The following FLNC variants were observed in gnomAD, a reference collection of about 807,000 sequenced individuals.
The protein encoded by FLNC is filamin-C.
Under a neutral mutation model 254.3 loss-of-function variants are expected in FLNC, and 91 were observed. That is an observed-to-expected ratio of 0.36 (90% confidence interval 0.30 to 0.43). The LOEUF (loss-of-function observed/expected upper bound fraction) is 0.43. Among genes scored for constraint, FLNC ranks in the 20% least tolerant of loss-of-function variants. FLNC has a pLI of 1.00. For synonymous variants in FLNC, 1,430 were observed against 1,577.2 expected, an observed-to-expected ratio of 0.91 and a Z score of 2.21; for missense variants, 2,853 against 3,802.6, an observed-to-expected ratio of 0.75 and a Z score of 6.57.
chr7:128,853,226 A>T (rs1297355403), intron 37 of FLNC, 195 bp downstream of exon 37: 3 of 720,550 alleles, frequency 4.2e-6, no homozygotes, highest in Non-Finnish European at 7.2e-6. Flanking sequence ...TTTTAAGAGA[A>T]AGCTCAGCTG....
At position 128,857,413 on chromosome 7, in the gene FLNC, C is replaced by G. The variant is rs1585172618; in HGVS notation, c.7780+77C>G. Reference sequence around the variant, plus strand: ...GGAGGGCTCCGGTGGCCACGCACATCTAGGCCATAGTCTGCCCCCAGACAT... The same window carrying G: ...GGAGGGCTCCGGTGGCCACGCACATGTAGGCCATAGTCTGCCCCCAGACAT... On this transcript the variant is annotated intron_variant, in intron 46 of 47. Transcript: ENST00000325888. The surrounding 1 kb of genome is among the most constrained non-coding windows in gnomAD (Gnocchi z 4.5). 2.2e-6 allele frequency: 2 copies of G among 898,328 alleles called. No individual in the cohort carries two copies. Among genetic ancestry groups the G allele is most frequent in the Non-Finnish European group, 1.8e-6 (1 of 554,118 alleles). 55.6% of individuals were successfully genotyped at this position (898,328 alleles called of 1,614,324 possible). A position where few individuals can be genotyped will look rare whatever the true frequency, so the allele number is the denominator to read the frequency against.
rs1032003580 is a variant in FLNC, at chr7:128,846,776, A to T, written c.4159A>T (p.Ile1387Phe). The T allele has an allele frequency of 3.7e-6, 6 of 1,614,036 alleles. No homozygotes were observed. The African/African-American group carries it at 6.7e-5, about 18-fold the overall frequency. ...GGGCACCGGGGGCCTTGGCCTAGCCATCGAGGGTCCCTCGGAAGCCAAGAT... is the reference window on the plus strand; with the variant it reads ...GGGCACCGGGGGCCTTGGCCTAGCCTTCGAGGGTCCCTCGGAAGCCAAGAT... ...GAGTGGLGLA[I>F]EGPSEAKMSC... Residue 1387 changes from isoleucine to phenylalanine, a missense_variant, in exon 24 of 48, where the codon ATC becomes TTC. Coordinates refer to ENST00000325888, the MANE Select transcript of FLNC (RefSeq NM_001458.5).
In FLNC at chr7:128,842,829, G is replaced by C; in HGVS notation, c.2425G>C (p.Val809Leu). The change falls in exon 16 of 48, where the codon GTG becomes CTG. Residue 809 changes from valine to leucine, a missense_variant. Transcript: ENST00000325888. This position sits in a 1 kb window ranked among gnomAD's most constrained non-coding sequence, Gnocchi z 5.4. ...VSIGIKCAPG[V>L]VGPAEADIDF... ...CATCGGCATCAAGTGCGCCCCAGGC[G>C]TGGTGGGCCCTGCAGAGGCTGACAT... The C allele has an allele frequency of 6.2e-7, 1 of 1,613,882 alleles. No individual in the cohort carries two copies. The highest frequency in any genetic ancestry group is 8.5e-7 in the Non-Finnish European group (1 of 1,180,028).
At chr7:128,855,064 C>A (rs894697390) in intron 42 of FLNC, 135 bp from the exon 43 acceptor site, 1 of 1,047,280 alleles carries the variant, frequency 9.5e-7, no homozygotes, top group Non-Finnish European at 1.5e-6. Context: ...CTACCCCACA[C>A]CCTCAGAAAC....
In FLNC at chr7:128,842,541, A is replaced by AG; in HGVS notation, c.2266-31dup. ...TGGGCAGGAGGATGAGCCTTGAGGGAGGGCACCACGCTGAGCTGCGACCCC... is the reference window on the plus strand; with the variant it reads ...TGGGCAGGAGGATGAGCCTTGAGGGAGGGGCACCACGCTGAGCTGCGACCCC... On this transcript the variant is annotated intron_variant, in intron 14 of 47. Coordinates refer to ENST00000325888, the MANE Select transcript of FLNC (RefSeq NM_001458.5). The surrounding 1 kb of genome is among the most constrained non-coding windows in gnomAD (Gnocchi z 5.4). 1 of 1,548,154 alleles carries AG rather than the reference A, an allele frequency of 6.5e-7. No individual in the cohort carries two copies. Among genetic ancestry groups the AG allele is most frequent in the South Asian group, 1.2e-5 (1 of 84,384 alleles).
intron 20 of FLNC, 44 bp from the exon 21 acceptor site, chr7:128,844,614 A>T: frequency 6.4e-7 from 1 of 1,557,768 alleles, no homozygotes; most frequent in Non-Finnish European, 8.8e-7. Context: ...GGCTGGGATG[A>T]GGAGGCCAGG....
chr7:128,843,872 C>A lies in FLNC; in HGVS notation c.2888C>A (p.Pro963Gln). ...CCCTTTGTGGTGAATGTGGCACCCCCGCTGGACCTCAGCAAAATCAAAGTT... is the reference window on the plus strand; with the variant it reads ...CCCTTTGTGGTGAATGTGGCACCCCAGCTGGACCTCAGCAAAATCAAAGTT... ...KSPFVVNVAPPLDLSKIKVQG... is the reference protein window; with the variant it reads ...KSPFVVNVAPQLDLSKIKVQG... The change falls in exon 19 of 48, where the codon CCG (proline) becomes CAG (glutamine). Residue 963 changes from proline (P) to glutamine (Q), a missense_variant. Coordinates refer to ENST00000325888, the MANE Select transcript of FLNC (RefSeq NM_001458.5). 6.2e-7 allele frequency: 1 copy of A among 1,614,078 alleles called. No individual in the cohort carries two copies. Among genetic ancestry groups the A allele is most frequent in the Non-Finnish European group, 8.5e-7 (1 of 1,180,056 alleles).
At position 128,857,560 on chromosome 7, in the gene FLNC, G is replaced by T. The variant is rs1809120389; in HGVS notation, c.7780+224G>T. The stretch of plus-strand genomic sequence containing the variant: ...TCCATCGTGGCCCCTCACTCCTTCA[G>T]CTCTGGCCTGCGCTGGCTCCTCAGG... On this transcript the variant is annotated intron_variant, in intron 46 of 47. Transcript: ENST00000325888. The surrounding 1 kb of genome is among the most constrained non-coding windows in gnomAD (Gnocchi z 4.5). 6.6e-6 allele frequency among the ~76,000 whole-genome samples: 1 copy of T among 151,194 alleles called. No homozygotes were observed. Among genetic ancestry groups the T allele is most frequent in the Admixed American group, 6.6e-5 (1 of 15,238 alleles).
In FLNC at chr7:128,830,447, C is replaced by T. The variant is rs1295192742; in HGVS notation, c.-191C>T. The stretch of plus-strand genomic sequence containing the variant: ...GCTCCGGCCCTGGAGGGAGAGAGAG[C>T]CAGAGAGCGGCCGAGCGCCTAGGAG... On this transcript the variant is annotated 5_prime_UTR_variant, in exon 1 of 48. Transcript: ENST00000325888. 8.3e-6 allele frequency: 5 copies of T among 605,986 alleles called. No individual in the cohort carries two copies. The highest frequency in any genetic ancestry group is 7.5e-5 in the African/African-American group (4 of 53,002). 37.5% of individuals were successfully genotyped at this position (605,986 alleles called of 1,614,324 possible).
intron 8 of FLNC, among the ~76,000 whole-genome samples, chr7:128,839,277 T>C (rs935868805): frequency 1.3e-5 from 2 of 152,212 alleles, no homozygotes; most frequent in South Asian, 4.1e-4. Flanking sequence ...AGGCCCCAGG[T>C]TCCATGCCGT....
In FLNC at chr7:128,854,881, C is replaced by T. The variant is rs1585170155; in HGVS notation, c.7104C>T (p.Ser2368=). Residue 2368 remains serine (S), a synonymous_variant, in exon 42 of 48, where the codon TCC becomes TCT. Transcript: ENST00000325888. ...EIAFEDRKDG[S]CGVSYVVQEP... ...CATTTGAGGATCGCAAAGATGGCTC[C>T]TGCGGCGTCTCCTATGTCGTCCAGG... 2.5e-6 allele frequency: 4 copies of T among 1,614,114 alleles called. No individual in the cohort carries two copies. The highest frequency in any genetic ancestry group is 1.3e-5 in the African/African-American group (1 of 75,052).
Position 128,847,828 on chromosome 7 carries a change from C to T in FLNC, c.4420C>T (p.Arg1474Trp), listed in dbSNP as rs372454458. ...TFTVDCSQAG[R>W]APLQVAVLGP... Reference sequence around the variant, plus strand: ...CACAGTGGATTGCAGTCAAGCTGGCCGGGCGCCCCTGCAGGTGGCTGTGCT... The same window carrying T: ...CACAGTGGATTGCAGTCAAGCTGGCTGGGCGCCCCTGCAGGTGGCTGTGCT... The change falls in exon 25 of 48, where the codon CGG (arginine) becomes TGG (tryptophan). Residue 1474 changes from arginine to tryptophan, a missense_variant. This residue lies in a region of FLNC where 1,573 missense variants were observed against 1,883.5 expected (regional missense o/e 0.84). Coordinates refer to ENST00000325888, the MANE Select transcript of FLNC (RefSeq NM_001458.5). The T allele has an allele frequency of 5.0e-5, 80 of 1,613,442 alleles. No individual in the cohort carries two copies. Among genetic ancestry groups the T allele is most frequent in the Non-Finnish European group, 6.1e-5 (72 of 1,179,734 alleles).
Position 128,842,251 on chromosome 7 carries a change from C to G in FLNC, c.2142C>G (p.Ile714Met), listed in dbSNP as rs199595235. The G allele has an allele frequency of 6.2e-7, 1 of 1,613,708 alleles. No homozygotes were observed. Residue 714 changes from isoleucine to methionine, a missense_variant, in exon 14 of 48, where the codon ATC (isoleucine) becomes ATG (methionine). Transcript: ENST00000325888. This position sits in a 1 kb window ranked among gnomAD's most constrained non-coding sequence, Gnocchi z 5.4. Reference protein sequence around the residue: ...LYAQDADGCPIDIKVIPNGDG... With the variant: ...LYAQDADGCPMDIKVIPNGDG... ...CACAGGACGCCGACGGCTGTCCCATCGACATCAAGGTGATCCCCAACGGCG... is the reference window on the plus strand; with the variant it reads ...CACAGGACGCCGACGGCTGTCCCATGGACATCAAGGTGATCCCCAACGGCG...
At position 128,843,884 on chromosome 7, in the gene FLNC, G is replaced by A. The variant is rs1249096991; in HGVS notation, c.2900G>A (p.Ser967Asn). The A allele has an allele frequency of 3.1e-6, 5 of 1,613,934 alleles. No individual in the cohort carries two copies. The highest frequency in any genetic ancestry group is 3.3e-5 in the Admixed American group (2 of 60,002). The change falls in exon 19 of 48, where the codon AGC becomes AAC. Residue 967 changes from serine to asparagine, a missense_variant. By Grantham distance (46) the Ser-to-Asn change is conservative. Transcript: ENST00000325888. ...AATGTGGCACCCCCGCTGGACCTCA[G>A]CAAAATCAAAGTTCAGGGCCTTAAT... is the stretch of plus-strand genomic sequence containing the variant. ...VVNVAPPLDLSKIKVQGLNSK... is the reference protein window; with the variant it reads ...VVNVAPPLDLNKIKVQGLNSK...
At chr7:128,833,418 G>A (rs1349590157) in intron 1 of FLNC, among the ~76,000 whole-genome samples, 1 of 152,224 alleles carries the variant, frequency 6.6e-6, no homozygotes. Flanking sequence ...AGCCCTGGTG[G>A]CGCTGAGCTC....
chr7:128,831,984 G>T (rs968641899), intron 1 of FLNC, among the ~76,000 whole-genome samples: 1 of 152,296 alleles, frequency 6.6e-6, no homozygotes, highest in South Asian at 2.1e-4. Flanking sequence ...GGATTTGCAG[G>T]ACGAGGTCCT....
In FLNC at chr7:128,850,090, C is replaced by T. The variant is rs1808745487; in HGVS notation, c.5298+16C>T. 2.0e-6 allele frequency: 3 copies of T among 1,503,164 alleles called. No individual in the cohort carries two copies. The highest frequency in any genetic ancestry group is 1.8e-6 in the Non-Finnish European group (2 of 1,115,126). 93.1% of individuals were successfully genotyped at this position (1,503,164 alleles called of 1,614,324 possible). A position where few individuals can be genotyped will look rare whatever the true frequency, so the allele number is the denominator to read the frequency against. ...CACACACTGGGTACTGCGCCTCCCACCAGGCGATGTCCTCCTCCTCCTCCC... is the reference window on the plus strand; with the variant it reads ...CACACACTGGGTACTGCGCCTCCCATCAGGCGATGTCCTCCTCCTCCTCCC... On this transcript the variant is annotated intron_variant, in intron 31 of 47. Coordinates refer to ENST00000325888, the MANE Select transcript of FLNC (RefSeq NM_001458.5).
At chr7:128,843,129 G>A in intron 16 of FLNC, 100 bp from the exon 17 acceptor site, 1 of 1,388,014 alleles carries the variant, frequency 7.2e-7, no homozygotes, top group Non-Finnish European at 1.0e-6. Context: ...GGCTGCCCCT[G>A]TCCATGCTGG....
chr7:128,852,870 G>A lies in FLNC; in HGVS notation c.6047G>A (p.Ser2016Asn). The A allele has an allele frequency of 1.9e-6, 3 of 1,613,868 alleles. No homozygotes were observed. The South Asian group carries it at 3.3e-5, about 18-fold the overall frequency. The change falls in exon 37 of 48, where the codon AGC becomes AAC. Residue 2016 changes from serine to asparagine, a missense_variant. By Grantham distance (46) the Ser-to-Asn change is conservative. This residue lies in a region of FLNC where 551 missense variants were observed against 835.0 expected (regional missense o/e 0.66). Transcript: ENST00000325888. ...TPKEVGEHVV[S>N]VRKSGKHVTN... ...AAGGAGGTCGGGGAGCACGTGGTGA[G>A]CGTGCGCAAGAGTGGCAAGCATGTC...
Sources: gnomAD v4.1 joint callset for allele counts (sites outside exome capture counted in the v4.1 genomes callset) on GRCh38, gnomAD v4.1.1 for gene constraint, gnomAD v4.1.1 regional missense constraint, Gnocchi (gnomAD v3.1) non-coding constraint, MANE v1.5 for transcripts, NCBI Gene and HGNC (gene_info 2026-07-23, HGNC 2026-07-21) for gene names.